LMO7: variants seen among roughly 807,000 people sequenced by gnomAD.
The protein encoded by LMO7 is LIM domain 7, also known as LIM domain only protein 7.
A neutral mutation model predicts 206.5 loss-of-function variants in LMO7; 120 were observed. That is an observed-to-expected ratio of 0.58 (90% CI 0.50 to 0.68). The LOEUF is 0.68. Ranked by LOEUF, LMO7 falls within the 30% of genes least tolerant of loss-of-function variation. The pLI, the probability that LMO7 is intolerant of heterozygous loss-of-function variation, is 0.00. For missense variants in LMO7, 1,959 were observed against 1,957.9 expected, an observed-to-expected ratio of 1.00 and a Z score of -0.01; for synonymous variants, 706 against 681.5, an observed-to-expected ratio of 1.04 and a Z score of -0.56.
chr13:75,851,224 C>T (rs1290365757), intron 27 of LMO7, among the ~76,000 whole-genome samples: 1 of 152,092 alleles, frequency 6.6e-6, no homozygotes, highest in African/African-American at 2.4e-5. Flanking sequence ...ATCATATGAG[C>T]AGAATGACGA....
At chr13:75,657,739 G>A (rs1231180040) in intron 1 of LMO7, among the ~76,000 whole-genome samples, 1 of 152,096 alleles carries the variant, frequency 6.6e-6, no homozygotes, top group African/African-American at 2.4e-5. Context: ...TTATTAACAT[G>A]TAGAAGGTTT....
intron 2 of LMO7, among the ~76,000 whole-genome samples, chr13:75,629,337 C>T (rs1460357558): frequency 6.6e-6 from 1 of 152,000 alleles, no homozygotes; most frequent in Non-Finnish European, 1.5e-5. Flanking sequence ...TGTCAGGCAC[C>T]AAGCCAGGCA....
chr13:75,691,290 C>T (rs997269530), intron 1 of LMO7, among the ~76,000 whole-genome samples: 2 of 152,204 alleles, frequency 1.3e-5, no homozygotes, highest in Admixed American at 6.5e-5. Flanking sequence ...TTCATGCCAT[C>T]AATCTTTTGG....
intron 7 of LMO7, among the ~76,000 whole-genome samples, chr13:75,801,898 G>T (rs185514852): frequency 1.5e-4 from 23 of 152,016 alleles, no homozygotes; most frequent in Non-Finnish European, 2.1e-4. Flanking sequence ...ACATGTATTC[G>T]CTGCCTAATT....
chr13:75,854,706 G>C (rs2060778455), intron 28 of LMO7, among the ~76,000 whole-genome samples: 2 of 152,154 alleles, frequency 1.3e-5, no homozygotes, highest in Non-Finnish European at 2.9e-5. Flanking sequence ...TCCCTGCAGA[G>C]ACAATCCTGT....
At position 75,805,682 on chromosome 13, in the gene LMO7, G is replaced by A; in HGVS notation, c.1118G>A (p.Trp373Ter). Residue 373 changes from tryptophan (W) to a stop codon, truncating the protein, a stop_gained, in exon 9 of 31, where the codon TGG becomes TAG. Coordinates refer to ENST00000377534, the MANE Select transcript of LMO7 (RefSeq NM_001306080.2). LOFTEE classifies it high-confidence loss of function. ...NAFDQFLPKC[W>*]TPEDVNWKRI... ...TTTGATCAGTTTCTTCCCAAATGTT[G>A]GACCCCAGAAGATGTGAACTGGAAA... 6.2e-7 allele frequency: 1 copy of A among 1,613,962 alleles called. No individual in the cohort carries two copies. Among genetic ancestry groups the A allele is most frequent in the Non-Finnish European group, 8.5e-7 (1 of 1,179,872 alleles).
Position 75,858,335 on chromosome 13 carries a change from A to G in LMO7, c.*392A>G, listed in dbSNP as rs1036306954. ...TTAAACATTATTTGAAATAGTTAAT[A>G]TAAATACATAATTGCATTTGCTCTG... is the stretch of plus-strand genomic sequence containing the variant. On this transcript the variant is annotated 3_prime_UTR_variant, in exon 31 of 31. Coordinates refer to ENST00000377534, the MANE Select transcript of LMO7 (RefSeq NM_001306080.2). 2 of 167,408 alleles carry G rather than the reference A, an allele frequency of 1.2e-5. No homozygotes were observed. Among genetic ancestry groups the G allele is most frequent in the African/African-American group, 4.8e-5 (2 of 42,016 alleles). The allele number at this position is 167,408 out of a possible 1,614,324, so 10.4% of individuals were successfully genotyped here. A position where few individuals can be genotyped will look rare whatever the true frequency, so the allele number is the denominator to read the frequency against.
chr13:75,826,251 A>T (rs2058101561), intron 15 of LMO7, among the ~76,000 whole-genome samples: 1 of 151,892 alleles, frequency 6.6e-6, no homozygotes, highest in South Asian at 2.1e-4. Flanking sequence ...CACATTACCC[A>T]TACTGCTCTC....
intron 3 of LMO7, among the ~76,000 whole-genome samples, chr13:75,740,225 C>T (rs1396836658): frequency 6.6e-6 from 1 of 152,144 alleles, no homozygotes; most frequent in Non-Finnish European, 1.5e-5. Context: ...ATGTGTGTCT[C>T]AGAGGGAGTA....
At chr13:75,849,995 G>A (rs1363059267) in intron 27 of LMO7, among the ~76,000 whole-genome samples, 1 of 152,140 alleles carries the variant, frequency 6.6e-6, no homozygotes, top group Admixed American at 6.5e-5. Context: ...ATGTGTGCCT[G>A]TAATCCCAGC....
At chr13:75,829,971 G>C (rs775565621) in intron 15 of LMO7, among the ~76,000 whole-genome samples, 33 of 152,056 alleles carry the variant, frequency 2.2e-4, no homozygotes, top group South Asian at 4.2e-4. Context: ...TTTCTGGCAT[G>C]AACAACTGAA....
At chr13:75,795,102 G>A (rs1201988440) in intron 4 of LMO7, among the ~76,000 whole-genome samples, 1 of 151,784 alleles carries the variant, frequency 6.6e-6, no homozygotes, top group Admixed American at 6.6e-5. Flanking sequence ...TGCACATAAT[G>A]TATTTAAAAA....
At chr13:75,841,035 A>G in intron 22 of LMO7, 74 bp from the exon 23 acceptor site, 7 of 917,018 alleles carry the variant, frequency 7.6e-6, no homozygotes, top group Non-Finnish European at 1.2e-5. Context: ...AGAGATCATA[A>G]AAGTGTTAAT....
In LMO7 at chr13:75,841,837, G is replaced by T. The variant is rs751535892; in HGVS notation, c.3885G>T (p.Glu1295Asp). ...KPQDQLVIER[E>D]RKWEQQLQEE... ...AGGATCAGCTTGTTATTGAGAGAGA[G>T]AGGAAATGGGAGCAACAGCTTCAGG... Residue 1295 changes from glutamate to aspartate, a missense_variant, in exon 24 of 31, where the codon GAG becomes GAT. By Grantham distance (45) the Glu-to-Asp change is conservative. Transcript: ENST00000377534. 2.5e-6 allele frequency: 4 copies of T among 1,614,124 alleles called. No homozygotes were observed. The East Asian group carries it at 8.9e-5, about 36-fold the overall frequency.
In LMO7 at chr13:75,849,207, C is replaced by T. The variant is rs773245388; in HGVS notation, c.4279C>T (p.Pro1427Ser). Reference sequence around the variant, plus strand: ...CCTTCAGGAAATGAGGAAGAGAACACCCCTTCACAATGACAACAGCTGGAT... The same window carrying T: ...CCTTCAGGAAATGAGGAAGAGAACATCCCTTCACAATGACAACAGCTGGAT... ...QILQEMRKRT[P>S]LHNDNSWIRQ... is the part of the protein sequence containing the mutation. The change falls in exon 27 of 31, where the codon CCC becomes TCC. Residue 1427 changes from proline (P) to serine (S), a missense_variant. By Grantham distance (74) the Pro-to-Ser change is moderately conservative (BLOSUM62 -1). Coordinates refer to ENST00000377534, the MANE Select transcript of LMO7 (RefSeq NM_001306080.2). 5.0e-6 allele frequency: 8 copies of T among 1,613,892 alleles called. No individual in the cohort carries two copies. The highest frequency in any genetic ancestry group is 3.3e-5 in the Admixed American group (2 of 60,004).
At chr13:75,624,119 A>G (rs1159983204) in intron 2 of LMO7, among the ~76,000 whole-genome samples, 5 of 152,148 alleles carry the variant, frequency 3.3e-5, no homozygotes, top group African/African-American at 7.2e-5. Context: ...CTCCTCATCT[A>G]TGACAGACAG....
At chr13:75,804,793 G>T in intron 8 of LMO7, 1 of 1,126,496 alleles carries the variant, frequency 8.9e-7, no homozygotes, top group Non-Finnish European at 1.1e-6. Context: ...GTATTTTTCA[G>T]CTTACCAGAT....
At chr13:75,821,702 A>G in intron 14 of LMO7, 93 bp downstream of exon 14, 2 of 771,300 alleles carry the variant, frequency 2.6e-6, no homozygotes. Context: ...CTTGATGTGT[A>G]AACTGTACAT....
At chr13:75,734,788 CTAA>C (rs2045632866) in intron 3 of LMO7, among the ~76,000 whole-genome samples, 1 of 152,150 alleles carries the variant, frequency 6.6e-6, no homozygotes, top group Admixed American at 6.5e-5. Flanking sequence ...GACAGCTGAC[CTAA>C]TAATTTTAGT....
Sources: allele counts gnomAD v4.1 joint callset (sites outside exome capture counted in the v4.1 genomes callset), GRCh38; gene constraint gnomAD v4.1.1; transcripts MANE v1.5; gene names NCBI Gene and HGNC (gene_info 2026-07-23, HGNC 2026-07-21).